Variants in LHFPL3 observed in about 807,000 individuals in gnomAD.
LHFPL3 encodes LHFPL tetraspan subfamily member 3, also known as LHFPL tetraspan subfamily member 3 protein.
LHFPL3 carries 5 observed loss-of-function variants against 19.3 expected under a neutral mutation model. The ratio of observed to expected loss-of-function variants is 0.26; its 90% CI spans 0.14 to 0.54. The LOEUF is 0.54. Ranked by LOEUF, LHFPL3 falls within the 20% of genes least tolerant of loss-of-function variation. The probability of loss-of-function intolerance (pLI) is 0.94; values close to 1 mark genes in which losing one functional copy is unlikely to be tolerated. For missense variants in LHFPL3, 249 were observed against 307.4 expected (o/e 0.81, Z 1.42); for synonymous variants, 133 against 126.2 (o/e 1.05, Z -0.36).
chr7:104,727,227 G>A (rs1032445170), intron 1 of LHFPL3, among the ~76,000 whole-genome samples: 4 of 152,032 alleles, frequency 2.6e-5, no homozygotes, highest in Non-Finnish European at 4.4e-5. Context: ...CTAAATATTA[G>A]GCCTTTGTCA....
chr7:104,446,603 TCTCA>T (rs1384219089), intron 1 of LHFPL3, among the ~76,000 whole-genome samples: 8 of 152,138 alleles, frequency 5.3e-5, no homozygotes, highest in Non-Finnish European at 1.2e-4. Context: ...TGAGATGGAG[TCTCA>T]CTCTGTTGCC....
chr7:104,339,259 G>A (rs913672331), intron 1 of LHFPL3, among the ~76,000 whole-genome samples: 2 of 149,898 alleles, frequency 1.3e-5, no homozygotes, highest in Non-Finnish European at 3.0e-5. Context: ...AAAAAAAAAA[G>A]AAAAGAAATA....
At chr7:104,649,411 G>A (rs999378) in intron 1 of LHFPL3, among the ~76,000 whole-genome samples, 58,113 of 152,012 alleles carry the variant, frequency 0.38, 11,449 homozygotes, top group Non-Finnish European at 0.41. Context: ...ATAACAGAGT[G>A]GGGGAGAGGG....
At chr7:104,509,240 A>T (rs1015602265) in intron 1 of LHFPL3, among the ~76,000 whole-genome samples, 1 of 147,874 alleles carries the variant, frequency 6.8e-6, no homozygotes, top group Non-Finnish European at 1.5e-5. Context: ...AAAACCAAAG[A>T]CAGTACAAAA....
chr7:104,465,217 T>C (rs1381827437), intron 1 of LHFPL3, among the ~76,000 whole-genome samples: 1 of 151,856 alleles, frequency 6.6e-6, no homozygotes. Flanking sequence ...GACTTCATTG[T>C]CCATATCACC....
At chr7:104,622,276 A>C (rs1233663272) in intron 1 of LHFPL3, among the ~76,000 whole-genome samples, 1 of 151,606 alleles carries the variant, frequency 6.6e-6, no homozygotes, top group Non-Finnish European at 1.5e-5. Context: ...CACTCAGCTC[A>C]TTTTTTTTGT....
chr7:104,612,903 T>C (rs554596352), intron 1 of LHFPL3, among the ~76,000 whole-genome samples: 5 of 152,228 alleles, frequency 3.3e-5, no homozygotes, highest in African/African-American at 4.8e-5. Context: ...TGTTCCAGAA[T>C]TTTTCATATC....
intron 1 of LHFPL3, among the ~76,000 whole-genome samples, chr7:104,381,058 T>C (rs537846898): frequency 1.5e-3 from 232 of 152,244 alleles, no homozygotes; most frequent in African/African-American, 4.8e-3. Flanking sequence ...AAATATAATC[T>C]ATGTCGCAAA....
At chr7:104,709,428 A>C (rs1401089531) in intron 1 of LHFPL3, among the ~76,000 whole-genome samples, 1 of 120,396 alleles carries the variant, frequency 8.3e-6, no homozygotes, top group Non-Finnish European at 1.9e-5. Flanking sequence ...GGGAGTGGTG[A>C]TGACTCTTAA....
intron 1 of LHFPL3, among the ~76,000 whole-genome samples, chr7:104,706,412 C>A (rs1157267838): frequency 6.6e-6 from 1 of 152,182 alleles, no homozygotes; most frequent in Non-Finnish European, 1.5e-5. Context: ...GGACCACCAG[C>A]ACCTCTCTAT....
intron 2 of LHFPL3, among the ~76,000 whole-genome samples, chr7:104,813,998 A>G (rs1194796935): frequency 6.6e-6 from 1 of 152,176 alleles, no homozygotes; most frequent in Admixed American, 6.5e-5. Context: ...GTGGGTCCCA[A>G]GTTCTTGTCC....
intron 1 of LHFPL3, among the ~76,000 whole-genome samples, chr7:104,664,885 G>A (rs933809083): frequency 6.6e-6 from 1 of 152,168 alleles, no homozygotes; most frequent in Non-Finnish European, 1.5e-5. Flanking sequence ...CCTGGGAAAT[G>A]TAGTCCCTGG....
chr7:104,748,560 A>G (rs1163965608), intron 2 of LHFPL3, among the ~76,000 whole-genome samples: 1 of 144,054 alleles, frequency 6.9e-6, no homozygotes, highest in African/African-American at 2.6e-5. Context: ...TGAGATGTTT[A>G]TGTGTATGCA....
chr7:104,678,227 A>G (rs985655810), intron 1 of LHFPL3, among the ~76,000 whole-genome samples: 5 of 152,134 alleles, frequency 3.3e-5, no homozygotes, highest in African/African-American at 9.7e-5. Context: ...TGTTGTTATA[A>G]AGTGTATAAT....
At chr7:104,714,595 T>A (rs1268678796) in intron 1 of LHFPL3, among the ~76,000 whole-genome samples, 1 of 151,668 alleles carries the variant, frequency 6.6e-6, no homozygotes, top group Non-Finnish European at 1.5e-5. Context: ...ATCTTAAACA[T>A]CCGAAGGGTG....
intron 1 of LHFPL3, among the ~76,000 whole-genome samples, chr7:104,650,578 T>C (rs1169365233): frequency 6.6e-6 from 1 of 152,240 alleles, no homozygotes; most frequent in Non-Finnish European, 1.5e-5. Context: ...ACTGCATTCC[T>C]TGATGACAGC....
chr7:104,874,592 A>G (rs1791902180), intron 2 of LHFPL3, among the ~76,000 whole-genome samples: 1 of 152,024 alleles, frequency 6.6e-6, no homozygotes, highest in Non-Finnish European at 1.5e-5. Context: ...TTATATTTTT[A>G]GAGACAGGGT....
chr7:104,680,970 G>T (rs1252227384), intron 1 of LHFPL3, among the ~76,000 whole-genome samples: 4 of 151,984 alleles, frequency 2.6e-5, no homozygotes, highest in Non-Finnish European at 5.9e-5. Context: ...ACCTAAAACA[G>T]CTTAAATTTA....
chr7:104,589,983 C>G (rs567047505), intron 1 of LHFPL3, among the ~76,000 whole-genome samples: 2 of 152,232 alleles, frequency 1.3e-5, no homozygotes, highest in African/African-American at 2.4e-5. Flanking sequence ...TTTATTGCAT[C>G]TATTTGATTC....
Sources: allele counts gnomAD v4.1 joint callset (sites outside exome capture counted in the v4.1 genomes callset), GRCh38; gene constraint gnomAD v4.1.1; transcripts MANE v1.5; gene names NCBI Gene and HGNC (gene_info 2026-07-23, HGNC 2026-07-21).